The following FRMD4A variants were observed in gnomAD, a reference collection of about 807,000 sequenced individuals.
The protein encoded by FRMD4A is FERM domain containing 4A.
In FRMD4A, 29 loss-of-function variants were observed where a neutral mutation model predicts 129.1. The ratio of observed to expected loss-of-function variants is 0.22; its 90% CI spans 0.17 to 0.31. FRMD4A has a LOEUF of 0.31. Among genes scored for constraint, FRMD4A ranks in the 10% least tolerant of loss-of-function variants. The pLI is 1.00. For synonymous variants in FRMD4A, 634 were observed against 571.6 expected (o/e 1.11, Z -1.56); for missense variants, 1,272 against 1,375.8 (o/e 0.92, Z 1.19).
intron 2 of FRMD4A, among the ~76,000 whole-genome samples, chr10:14,263,088 G>A (rs902642892): frequency 2.6e-5 from 4 of 152,170 alleles, no homozygotes; most frequent in East Asian, 1.9e-4. Flanking sequence ...AATGGCCTAC[G>A]GAGAGGACCC....
intron 2 of FRMD4A, among the ~76,000 whole-genome samples, chr10:13,938,568 CT>C (rs996950634): frequency 2.0e-5 from 3 of 152,122 alleles, no homozygotes; most frequent in African/African-American, 7.2e-5. Flanking sequence ...ATATGAACTA[CT>C]TTTTGCTCTG....
At chr10:14,248,383 T>C (rs756221701) in intron 2 of FRMD4A, among the ~76,000 whole-genome samples, 2 of 152,248 alleles carry the variant, frequency 1.3e-5, no homozygotes, top group Non-Finnish European at 2.9e-5. Context: ...AATACATTAA[T>C]GTAGAAATAG....
intron 2 of FRMD4A, among the ~76,000 whole-genome samples, chr10:13,996,235 AGG>A (rs2095622165): frequency 6.6e-6 from 1 of 152,210 alleles, no homozygotes; most frequent in Admixed American, 6.5e-5. Context: ...TTAATTGCAG[AGG>A]AACAAAAACA....
intron 3 of FRMD4A, among the ~76,000 whole-genome samples, chr10:13,829,174 G>A (rs550678604): frequency 1.3e-5 from 2 of 152,150 alleles, no homozygotes; most frequent in Non-Finnish European, 2.9e-5. Flanking sequence ...AGGAGTGAAT[G>A]GTGAGGTGGA....
intron 2 of FRMD4A, among the ~76,000 whole-genome samples, chr10:14,046,407 A>C (rs189916128): frequency 1.2e-3 from 188 of 152,274 alleles, no homozygotes; most frequent in Admixed American, 2.0e-3. Flanking sequence ...ACTCATGTAT[A>C]TGCTGTAGGA....
intron 2 of FRMD4A, among the ~76,000 whole-genome samples, chr10:14,203,926 C>T (rs938096451): frequency 3.3e-5 from 5 of 152,190 alleles, no homozygotes; most frequent in African/African-American, 7.2e-5. Context: ...ATTTGTCTAT[C>T]GTAGTTTGAC....
chr10:14,012,016 G>GA (rs2095684204), intron 2 of FRMD4A, among the ~76,000 whole-genome samples: 2 of 139,962 alleles, frequency 1.4e-5, no homozygotes, highest in Non-Finnish European at 3.1e-5. Flanking sequence ...CTGTCTCAAA[G>GA]GAAAAAAAAA....
intron 2 of FRMD4A, among the ~76,000 whole-genome samples, chr10:14,075,208 T>C (rs898905522): frequency 1.3e-5 from 2 of 152,220 alleles, no homozygotes; most frequent in Admixed American, 1.3e-4. Context: ...AAATGGTTTT[T>C]CCTTCCAGTT....
chr10:14,096,476 C>T (rs189278609), intron 2 of FRMD4A, among the ~76,000 whole-genome samples: 3 of 152,208 alleles, frequency 2.0e-5, no homozygotes, highest in African/African-American at 4.8e-5. Flanking sequence ...AAATCCCACT[C>T]GATGTAGGGA....
At chr10:14,268,055 G>T (rs1435111490) in intron 2 of FRMD4A, among the ~76,000 whole-genome samples, 2 of 152,126 alleles carry the variant, frequency 1.3e-5, no homozygotes, top group Non-Finnish European at 2.9e-5. Context: ...CATCAAATGG[G>T]ATAGTATATG....
chr10:13,904,407 C>T (rs918709495), intron 2 of FRMD4A, among the ~76,000 whole-genome samples: 2 of 152,204 alleles, frequency 1.3e-5, no homozygotes, highest in East Asian at 1.9e-4. Context: ...AAGCCTTCCC[C>T]GAGGTTCCCC....
intron 2 of FRMD4A, among the ~76,000 whole-genome samples, chr10:14,084,353 G>A (rs934718289): frequency 6.6e-6 from 1 of 152,134 alleles, no homozygotes; most frequent in Non-Finnish European, 1.5e-5. Context: ...CACCATGTTG[G>A]TCAGGCTGGT....
intron 2 of FRMD4A, among the ~76,000 whole-genome samples, chr10:14,093,065 GT>G (rs1245529590): frequency 6.6e-6 from 1 of 152,190 alleles, no homozygotes; most frequent in Admixed American, 6.5e-5. Context: ...CAAGGCCAGG[GT>G]AGGGGGCACG....
chr10:14,202,088 A>AGATC (rs1001159848), intron 2 of FRMD4A, among the ~76,000 whole-genome samples: 1 of 151,870 alleles, frequency 6.6e-6, no homozygotes, highest in Admixed American at 6.6e-5. Context: ...CAGTGAGCTG[A>AGATC]GATCGTGCCA....
At chr10:13,869,855 T>A (rs2094419644) in intron 2 of FRMD4A, among the ~76,000 whole-genome samples, 1 of 152,224 alleles carries the variant, frequency 6.6e-6, no homozygotes, top group East Asian at 1.9e-4. Context: ...TAGGAAGATT[T>A]ATTCACAAGC....
At chr10:14,123,564 C>T (rs374589082) in intron 2 of FRMD4A, among the ~76,000 whole-genome samples, 68 of 152,184 alleles carry the variant, frequency 4.5e-4, no homozygotes, top group African/African-American at 1.5e-3. Flanking sequence ...GGGCAGTCCC[C>T]CATCTTTGTT....
At chr10:13,851,165 G>A (rs1189472856) in intron 3 of FRMD4A, among the ~76,000 whole-genome samples, 2 of 152,188 alleles carry the variant, frequency 1.3e-5, no homozygotes, top group Non-Finnish European at 2.9e-5. Flanking sequence ...CGTGAGCAGA[G>A]ATCACGTCAC....
At chr10:14,069,858 G>T (rs560906273) in intron 2 of FRMD4A, among the ~76,000 whole-genome samples, 2 of 152,288 alleles carry the variant, frequency 1.3e-5, no homozygotes, top group East Asian at 3.9e-4. Context: ...CTTTTATAGA[G>T]AATTCTCCTG....
At chr10:13,924,543 G>C (rs772944996) in intron 2 of FRMD4A, among the ~76,000 whole-genome samples, 3 of 152,078 alleles carry the variant, frequency 2.0e-5, no homozygotes, top group African/African-American at 4.8e-5. Context: ...CTCTCAGGGA[G>C]AAGCAGTCCC....
Sources: gnomAD v4.1 joint callset for allele counts (sites outside exome capture counted in the v4.1 genomes callset) on GRCh38, gnomAD v4.1.1 for gene constraint, MANE v1.5 for transcripts, NCBI Gene and HGNC (gene_info 2026-07-23, HGNC 2026-07-21) for gene names.